The following FYN variants were observed in gnomAD, a reference collection of about 807,000 sequenced individuals.
FYN encodes the protein tyrosine-protein kinase Fyn.
In FYN, 10 loss-of-function variants were observed where a neutral mutation model predicts 70.2. The observed-to-expected ratio is 0.14, with a 90% CI of 0.09 to 0.24. The LOEUF is 0.24. Ranked by LOEUF, FYN falls within the 10% of genes least tolerant of loss-of-function variation. The pLI, the probability that FYN is intolerant of heterozygous loss-of-function variation, is 1.00. For synonymous variants in FYN, 236 were observed against 248.6 expected (o/e 0.95, Z 0.48); for missense variants, 319 against 673.1 (o/e 0.47, Z 5.82).
chr6:111,801,965 G>C (rs1772000372), intron 2 of FYN, among the ~76,000 whole-genome samples: 1 of 152,232 alleles, frequency 6.6e-6, no homozygotes. Flanking sequence ...AGAAGCACCA[G>C]ACACCATCTC....
rs964217391 is a variant in FYN, at chr6:111,719,298, C to G, written c.247+507G>C. Among the ~76,000 whole-genome samples the G allele has an allele frequency of 4.4e-5, 4 of 91,918 alleles. No homozygotes were observed. In the South Asian group the frequency reaches 1.3e-3, roughly 30 times the overall value. The allele number at this position is 91,918 out of a possible 152,430, so 60.3% of individuals were successfully genotyped here. ...GAATATAGCCTTGTGGTATGAAAGA[C>G]AAGGAAACTTCCAAAAAAAAAAAAA... is the stretch of plus-strand genomic sequence containing the variant. On this transcript the variant is annotated intron_variant, in intron 4 of 13. Coordinates refer to ENST00000354650, the MANE Select transcript of FYN (RefSeq NM_002037.5).
At chr6:111,840,582 C>T (rs1344662388) in intron 2 of FYN, among the ~76,000 whole-genome samples, 5 of 152,170 alleles carry the variant, frequency 3.3e-5, no homozygotes, top group Non-Finnish European at 7.3e-5. Flanking sequence ...TAATTTGTGA[C>T]GGCAGGCACA....
chr6:111,678,812 C>T (rs550783915), intron 12 of FYN, among the ~76,000 whole-genome samples: 1 of 152,312 alleles, frequency 6.6e-6, no homozygotes, highest in African/African-American at 2.4e-5. Context: ...GCACTCAGAT[C>T]CCAGCACAGG....
intron 2 of FYN, among the ~76,000 whole-genome samples, chr6:111,825,583 T>C (rs1184530838): frequency 6.6e-6 from 1 of 152,166 alleles, no homozygotes; most frequent in Non-Finnish European, 1.5e-5. Context: ...CAGACACACA[T>C]GGTCGTGTGA....
intron 3 of FYN, among the ~76,000 whole-genome samples, chr6:111,758,350 T>C (rs1475672098): frequency 2.6e-5 from 4 of 152,196 alleles, no homozygotes; most frequent in African/African-American, 9.7e-5. Flanking sequence ...TTCAACAAAA[T>C]ACTAATGATG....
At chr6:111,712,764 G>A (rs193024530) in intron 5 of FYN, among the ~76,000 whole-genome samples, 2 of 152,204 alleles carry the variant, frequency 1.3e-5, no homozygotes, top group African/African-American at 4.8e-5. Flanking sequence ...GGCTACAGGA[G>A]GAGGACTCCT....
chr6:111,660,351 CT>C lies in FYN; in HGVS notation c.*1387del, dbSNP rs1797694185. The C allele has an allele frequency of 6.6e-6, 1 of 152,088 alleles. No homozygotes were observed. The highest frequency in any genetic ancestry group is 1.5e-5 in the Non-Finnish European group (1 of 68,002). 9.4% of individuals were successfully genotyped at this position (152,088 alleles called of 1,614,324 possible). The stretch of plus-strand genomic sequence containing the variant: ...AAAAAATTCAAATGTAAAATGCTCT[CT>C]TTTTAATTACTAAATTAAGAAAGTT... On this transcript the variant is annotated 3_prime_UTR_variant, in exon 14 of 14. Coordinates refer to ENST00000354650, the MANE Select transcript of FYN (RefSeq NM_002037.5).
chr6:111,805,221 C>G (rs954379676), intron 2 of FYN, among the ~76,000 whole-genome samples: 1 of 152,154 alleles, frequency 6.6e-6, no homozygotes, highest in Non-Finnish European at 1.5e-5. Context: ...AACCACAACC[C>G]CTCTTAGCCT....
intron 2 of FYN, among the ~76,000 whole-genome samples, chr6:111,815,937 C>T (rs1772476168): frequency 1.3e-5 from 2 of 152,064 alleles, no homozygotes; most frequent in Admixed American, 1.3e-4. Flanking sequence ...TAAGCTCAAG[C>T]AATCCACCTG....
intron 4 of FYN, among the ~76,000 whole-genome samples, chr6:111,717,524 T>C (rs1800711755): frequency 6.6e-6 from 1 of 152,034 alleles, no homozygotes; most frequent in Non-Finnish European, 1.5e-5. Context: ...TGCAATGGCG[T>C]GATCTCGGCT....
chr6:111,686,105 G>T (rs144122056), intron 12 of FYN, among the ~76,000 whole-genome samples: 3 of 151,920 alleles, frequency 2.0e-5, no homozygotes, highest in Non-Finnish European at 4.4e-5. Flanking sequence ...CACCCTTTCC[G>T]GGAGGAAAAT....
chr6:111,701,947 C>T (rs185355684), intron 8 of FYN, among the ~76,000 whole-genome samples: 16 of 152,218 alleles, frequency 1.1e-4, no homozygotes, highest in East Asian at 7.7e-4. Flanking sequence ...CTTTTTCATG[C>T]CAAAAATTAT....
chr6:111,849,715 C>T (rs546333806), intron 1 of FYN, among the ~76,000 whole-genome samples: 7 of 152,194 alleles, frequency 4.6e-5, no homozygotes, highest in Non-Finnish European at 7.3e-5. Context: ...AGAAAGGCAG[C>T]CCCCAATAAT....
chr6:111,752,774 G>A (rs1358429284), intron 3 of FYN, among the ~76,000 whole-genome samples: 5 of 152,128 alleles, frequency 3.3e-5, no homozygotes, highest in African/African-American at 9.7e-5. Flanking sequence ...GCTCCATGCA[G>A]AATGGCTCTG....
intron 12 of FYN, among the ~76,000 whole-genome samples, chr6:111,693,958 C>T (rs1210175081): frequency 2.0e-5 from 3 of 152,314 alleles, no homozygotes; most frequent in Non-Finnish European, 2.9e-5. Context: ...GTTGCTGTTA[C>T]AAGCTCTGAG....
At chr6:111,773,297 G>C (rs1803522173) in intron 3 of FYN, among the ~76,000 whole-genome samples, 1 of 123,196 alleles carries the variant, frequency 8.1e-6, no homozygotes, top group Admixed American at 8.9e-5. Context: ...GAGAGAAAGA[G>C]AGGGAGGGAG....
chr6:111,661,506 T>C lies in FYN; in HGVS notation c.*233A>G, dbSNP rs1797728416. 1.9e-6 allele frequency: 1 copy of C among 514,424 alleles called. No individual in the cohort carries two copies. Among genetic ancestry groups the C allele is most frequent in the Non-Finnish European group, 3.5e-6 (1 of 289,018 alleles). The allele number at this position is 514,424 out of a possible 1,614,324, so 31.9% of individuals were successfully genotyped here. A position where few individuals can be genotyped will look rare whatever the true frequency, so the allele number is the denominator to read the frequency against. On this transcript the variant is annotated 3_prime_UTR_variant, in exon 14 of 14. Transcript: ENST00000354650. This position sits in a 1 kb window ranked among gnomAD's most constrained non-coding sequence, Gnocchi z 4.0. ...TTTACATAACATCGATACAATGCAT[T>C]TTCCAAAGTCTGAGAAATAACAAGG...
chr6:111,845,336 C>T (rs1040877944), intron 2 of FYN, among the ~76,000 whole-genome samples: 13 of 152,256 alleles, frequency 8.5e-5, no homozygotes, highest in Admixed American at 5.9e-4. Flanking sequence ...TCCCTGGCTT[C>T]CACAGCCAAA....
chr6:111,673,201 G>A (rs955825188), intron 13 of FYN, among the ~76,000 whole-genome samples: 3 of 152,046 alleles, frequency 2.0e-5, no homozygotes, highest in African/African-American at 4.8e-5. Context: ...AAACACCCAC[G>A]CTGTGCTCCA....
Sources: allele counts gnomAD v4.1 joint callset (sites outside exome capture counted in the v4.1 genomes callset), GRCh38; gene constraint gnomAD v4.1.1; non-coding constraint Gnocchi (gnomAD v3.1); transcripts MANE v1.5; gene names NCBI Gene and HGNC (gene_info 2026-07-23, HGNC 2026-07-21).